Variants in SULT4A1 observed in about 807,000 individuals in gnomAD.
SULT4A1 encodes the protein sulfotransferase 4A1.
SULT4A1 carries 11 observed loss-of-function variants against 35.2 expected under a neutral mutation model. The observed-to-expected ratio is 0.31, with a 90% CI of 0.20 to 0.52. The LOEUF (loss-of-function observed/expected upper bound fraction) is 0.52. SULT4A1 is among the 20% of genes least tolerant of loss of function. The pLI is 0.97. For missense variants in SULT4A1, 271 were observed against 383.7 expected, an observed-to-expected ratio of 0.71 and a Z score of 2.45; for synonymous variants, 152 against 151.8, an observed-to-expected ratio of 1.00 and a Z score of -0.01.
intron 6 of SULT4A1, 132 bp downstream of exon 6, chr22:43,828,928 G>A (rs4823148): frequency 6.7e-6 from 7 of 1,044,200 alleles, no homozygotes; most frequent in Non-Finnish European, 8.0e-6. Flanking sequence ...CAGGCCATGG[G>A]CCAGCTACAG....
chr22:43,846,381 A>G (rs539724781), intron 1 of SULT4A1, among the ~76,000 whole-genome samples: 1 of 152,058 alleles, frequency 6.6e-6, no homozygotes, highest in African/African-American at 2.4e-5. Context: ...TCCTCTTTCC[A>G]CCTTAAGGAC....
intron 4 of SULT4A1, 96 bp downstream of exon 4, chr22:43,838,771 C>A: frequency 6.5e-7 from 1 of 1,542,240 alleles, no homozygotes; most frequent in Non-Finnish European, 8.8e-7. Context: ...ACTGTCAGAA[C>A]TGGAGACCGT....
intron 1 of SULT4A1, among the ~76,000 whole-genome samples, chr22:43,860,343 C>G (rs1407351357): frequency 6.6e-6 from 1 of 152,182 alleles, no homozygotes; most frequent in Non-Finnish European, 1.5e-5. Flanking sequence ...GCTTCCCCAG[C>G]CCCTAGCAAA....
At chr22:43,829,253 G>A in intron 5 of SULT4A1, 55 bp from the exon 6 acceptor site, 11 of 1,468,492 alleles carry the variant, frequency 7.5e-6, no homozygotes, top group Admixed American at 2.5e-5. Flanking sequence ...GCCTTTTACT[G>A]GACACGACCC....
chr22:43,857,400 A>T (rs1224330703), intron 1 of SULT4A1, among the ~76,000 whole-genome samples: 1 of 151,876 alleles, frequency 6.6e-6, no homozygotes, highest in South Asian at 2.1e-4. Context: ...AAGGAAAGAA[A>T]AAAGAGGGAA....
At position 43,826,339 on chromosome 22, in the gene SULT4A1, T is replaced by C. The variant is rs1229179603; in HGVS notation, c.743-226A>G. Reference sequence around the variant, plus strand: ...AACATGACCTGAACCAGCTTCCCTCTGAGGCTGTGGCACAGTGAGCCACAA... The same window carrying C: ...AACATGACCTGAACCAGCTTCCCTCCGAGGCTGTGGCACAGTGAGCCACAA... On this transcript the variant is annotated intron_variant, in intron 6 of 6. Coordinates refer to ENST00000330884, the MANE Select transcript of SULT4A1 (RefSeq NM_014351.4). 3.0e-6 allele frequency: 3 copies of C among 985,272 alleles called. No homozygotes were observed. In the South Asian group the frequency reaches 1.4e-4, roughly 46 times the overall value. The allele number at this position is 985,272 out of a possible 1,614,324, so 61.0% of individuals were successfully genotyped here. A position where few individuals can be genotyped will look rare whatever the true frequency, so the allele number is the denominator to read the frequency against.
intron 1 of SULT4A1, among the ~76,000 whole-genome samples, chr22:43,842,897 TC>T (rs1285900835): frequency 1.3e-5 from 2 of 151,862 alleles, no homozygotes; most frequent in African/African-American, 4.8e-5. Flanking sequence ...TGGCTCATTA[TC>T]CCCCCAGCCC....
rs552599758 is a variant in SULT4A1 at position 43,832,087 on chromosome 22, C to G, written c.603+1553G>C. On this transcript the variant is annotated intron_variant, in intron 5 of 6. Coordinates refer to ENST00000330884, the MANE Select transcript of SULT4A1 (RefSeq NM_014351.4). ...AGCATCCAGAGCCCACGTTGTTCCCCAGCACCACAGGAAACCACGGCCGAC... is the reference window on the plus strand; with the variant it reads ...AGCATCCAGAGCCCACGTTGTTCCCGAGCACCACAGGAAACCACGGCCGAC... 6.6e-5 allele frequency among the ~76,000 whole-genome samples: 10 copies of G among 152,314 alleles called. No homozygotes were observed. The East Asian group carries it at 1.9e-3, about 29-fold the overall frequency.
At chr22:43,831,095 T>C (rs1376154452) in intron 5 of SULT4A1, among the ~76,000 whole-genome samples, 2 of 152,180 alleles carry the variant, frequency 1.3e-5, no homozygotes, top group African/African-American at 4.8e-5. Context: ...GCTCTTAAAG[T>C]TCCAGGCAGG....
intron 6 of SULT4A1, chr22:43,827,236 G>A: frequency 1.0e-6 from 1 of 985,396 alleles, no homozygotes; most frequent in Non-Finnish European, 1.2e-6. Flanking sequence ...TCCTTCACTA[G>A]CTCCGTTATT....
chr22:43,844,354 C>G (rs1421728537), intron 1 of SULT4A1, among the ~76,000 whole-genome samples: 1 of 152,188 alleles, frequency 6.6e-6, no homozygotes, highest in Non-Finnish European at 1.5e-5. Context: ...TGCGGGGGAG[C>G]TCGTGTGTGC....
chr22:43,826,912 G>A (rs2063290866), intron 6 of SULT4A1: 2 of 985,342 alleles, frequency 2.0e-6, no homozygotes, highest in Middle Eastern at 5.2e-4. Flanking sequence ...CCACAAGGGA[G>A]GGCTGAGCTG....
chr22:43,853,640 C>A (rs534830343), intron 1 of SULT4A1, among the ~76,000 whole-genome samples: 1 of 152,348 alleles, frequency 6.6e-6, no homozygotes, highest in African/African-American at 2.4e-5. Flanking sequence ...ACCTGGAGAC[C>A]AGATTCCCAG....
Position 43,842,975 on chromosome 22 carries a change from A to ATCTCTCTCTCTCTCTC in SULT4A1, c.170-1059_170-1044dup, listed in dbSNP as rs695712. Among the ~76,000 whole-genome samples the ATCTCTCTCTCTCTCTC allele has an allele frequency of 4.9e-3, 705 of 144,550 alleles. 1 individual carries two copies. Among genetic ancestry groups the ATCTCTCTCTCTCTCTC allele is most frequent in the African/African-American group, 6.8e-3 (260 of 38,254 alleles). The allele number at this position is 144,550 out of a possible 152,430, so 94.8% of individuals were successfully genotyped here. A position where few individuals can be genotyped will look rare whatever the true frequency, so the allele number is the denominator to read the frequency against. Reference sequence around the variant, plus strand: ...TTAGAAGCAGGTCTCAGTAAACAGCATCTCTCTCTCTCTCTCTCTCTCTCT... The same window carrying ATCTCTCTCTCTCTCTC: ...TTAGAAGCAGGTCTCAGTAAACAGCATCTCTCTCTCTCTCTCTCTCTCTCTCTCTCTCTCTCTCTCT... On this transcript the variant is annotated intron_variant, in intron 1 of 6. Coordinates refer to ENST00000330884, the MANE Select transcript of SULT4A1 (RefSeq NM_014351.4).
intron 1 of SULT4A1, among the ~76,000 whole-genome samples, chr22:43,861,743 G>A (rs1185553504): frequency 3.9e-5 from 6 of 152,230 alleles, no homozygotes; most frequent in Admixed American, 2.0e-4. Context: ...AAGGAGGGAC[G>A]TTACGTTTCC....
At chr22:43,828,293 C>T (rs913690011) in intron 6 of SULT4A1, among the ~76,000 whole-genome samples, 1 of 152,236 alleles carries the variant, frequency 6.6e-6, no homozygotes, top group African/African-American at 2.4e-5. Context: ...AAGGCCAGCA[C>T]CCTGGGATTC....
chr22:43,830,718 C>T (rs2063319218), intron 5 of SULT4A1, among the ~76,000 whole-genome samples: 2 of 152,166 alleles, frequency 1.3e-5, no homozygotes, highest in Admixed American at 1.3e-4. Context: ...GGAATATACC[C>T]GGGGTGCCTG....
chr22:43,849,218 G>A (rs1016580859), intron 1 of SULT4A1, among the ~76,000 whole-genome samples: 1 of 152,140 alleles, frequency 6.6e-6, no homozygotes. Context: ...GAAACCACTA[G>A]GACCCTGTGG....
rs368517629 is a variant in SULT4A1 at position 43,844,831 on chromosome 22, C to T, written c.170-2899G>A. Among the ~76,000 whole-genome samples, 26 of 152,304 alleles carry T rather than the reference C, an allele frequency of 1.7e-4. 1 individual carries two copies. Among genetic ancestry groups the T allele is most frequent in the East Asian group, 9.7e-4 (5 of 5,178 alleles). On this transcript the variant is annotated intron_variant, in intron 1 of 6. Transcript: ENST00000330884. ...GGGACAGGCCCTCTCCTCCCTGCTACGGCCCAGGGGAGCAGGCACTGTGAC... is the reference window on the plus strand; with the variant it reads ...GGGACAGGCCCTCTCCTCCCTGCTATGGCCCAGGGGAGCAGGCACTGTGAC...
Sources: allele counts gnomAD v4.1 joint callset (sites outside exome capture counted in the v4.1 genomes callset), GRCh38; gene constraint gnomAD v4.1.1; transcripts MANE v1.5; gene names NCBI Gene and HGNC (gene_info 2026-07-23, HGNC 2026-07-21).